RFC3: variants seen among roughly 807,000 people sequenced by gnomAD.
The protein encoded by RFC3 is replication factor C subunit 3.
A neutral mutation model predicts 45.1 loss-of-function variants in RFC3; 41 were observed. The ratio of observed to expected loss-of-function variants is 0.91; its 90% CI spans 0.71 to 1.18. RFC3 has a LOEUF of 1.18. RFC3 is among the 50% of genes most tolerant of loss of function. The pLI, the probability that RFC3 is intolerant of heterozygous loss-of-function variation, is 0.00. For synonymous variants in RFC3, 149 were observed against 144.0 expected, an observed-to-expected ratio of 1.03 and a Z score of -0.25; for missense variants, 423 against 428.1, an observed-to-expected ratio of 0.99 and a Z score of 0.10.
At chr13:33,954,995 C>T (rs1369408447) in intron 8 of RFC3, among the ~76,000 whole-genome samples, 1 of 152,148 alleles carries the variant, frequency 6.6e-6, no homozygotes, top group African/African-American at 2.4e-5. Context: ...AGACTCAAAC[C>T]ATTTGAATGG....
At chr13:33,870,952 G>A (rs2082403517) in intron 8 of RFC3, among the ~76,000 whole-genome samples, 1 of 152,154 alleles carries the variant, frequency 6.6e-6, no homozygotes, top group Admixed American at 6.5e-5. Flanking sequence ...GGAGGATATT[G>A]ATTTAAGTGT....
chr13:33,840,076 C>T (rs756137654), downstream of RFC3, among the ~76,000 whole-genome samples: 4 of 152,074 alleles, frequency 2.6e-5, no homozygotes, highest in African/African-American at 7.2e-5. Context: ...GAGTAAGAAG[C>T]GTCTTGGTGC....
At chr13:33,884,440 G>T (rs1465956574) in intron 8 of RFC3, among the ~76,000 whole-genome samples, 1 of 152,198 alleles carries the variant, frequency 6.6e-6, no homozygotes, top group African/African-American at 2.4e-5. Flanking sequence ...AGCAGTCTTT[G>T]AAAGCCCCAG....
chr13:33,938,184 CAAAAAAA>C (rs34685731), intron 8 of RFC3, among the ~76,000 whole-genome samples: 8 of 70,766 alleles, frequency 1.1e-4, no homozygotes, highest in Admixed American at 3.6e-4. Flanking sequence ...AGTCCAACTG[CAAAAAAA>C]AAAAAAAAAA....
the RFC3 span, among the ~76,000 whole-genome samples, chr13:33,972,764 T>C: frequency 6.6e-6 from 1 of 152,208 alleles, no homozygotes; most frequent in Non-Finnish European, 1.5e-5. Flanking sequence ...GGACAATACG[T>C]TATATATCAT....
chr13:33,837,636 C>CT (rs967615662), downstream of RFC3: 4 of 152,066 alleles, frequency 2.6e-5, no homozygotes, highest in African/African-American at 9.7e-5. Flanking sequence ...TTACTTTACA[C>CT]TTCTACCAGC....
intron 8 of RFC3, among the ~76,000 whole-genome samples, chr13:33,857,234 A>G (rs1355851069): frequency 6.6e-6 from 1 of 152,148 alleles, no homozygotes; most frequent in Non-Finnish European, 1.5e-5. Flanking sequence ...ATAGCGTCCA[A>G]TCTCATTGCG....
chr13:33,927,984 T>C (rs1234104224), intron 8 of RFC3, among the ~76,000 whole-genome samples: 1 of 152,070 alleles, frequency 6.6e-6, no homozygotes, highest in African/African-American at 2.4e-5. Context: ...CAAGGCACTG[T>C]TAACATCTAA....
chr13:33,928,259 T>G (rs185671611), intron 8 of RFC3, among the ~76,000 whole-genome samples: 19 of 152,124 alleles, frequency 1.2e-4, no homozygotes, highest in Non-Finnish European at 2.9e-5. Flanking sequence ...TGAAAGTGAC[T>G]CAGTAGCAGA....
intron 7 of RFC3, among the ~76,000 whole-genome samples, chr13:33,834,329 T>TATATATATATATACACACAC (rs1300798923): frequency 8.0e-6 from 1 of 125,106 alleles, no homozygotes; most frequent in Non-Finnish European, 1.6e-5. Flanking sequence ...TATATATATA[T>TATATATATATATACACACAC]ATCTGTACTG....
intron 8 of RFC3, among the ~76,000 whole-genome samples, chr13:33,956,201 A>C (rs2083021021): frequency 6.6e-6 from 1 of 152,252 alleles, no homozygotes; most frequent in South Asian, 2.1e-4. Flanking sequence ...GAAAAGATTA[A>C]AGTGTATTTT....
At chr13:33,911,667 AC>A (rs1474292986) in intron 8 of RFC3, among the ~76,000 whole-genome samples, 6 of 152,000 alleles carry the variant, frequency 3.9e-5, no homozygotes, top group Non-Finnish European at 5.9e-5. Context: ...GAGGGACTGA[AC>A]CCAAGGTGTG....
chr13:33,867,500 AG>A (rs2082381228), intron 8 of RFC3, among the ~76,000 whole-genome samples: 1 of 152,218 alleles, frequency 6.6e-6, no homozygotes, highest in African/African-American at 2.4e-5. Flanking sequence ...CTGAGAGAAG[AG>A]GGGAAAATAA....
chr13:33,858,099 G>A (rs984058779), intron 8 of RFC3, among the ~76,000 whole-genome samples: 5 of 152,200 alleles, frequency 3.3e-5, no homozygotes, highest in African/African-American at 1.2e-4. Flanking sequence ...TGGAGCGGAA[G>A]GGACCAGATC....
chr13:33,919,045 TTC>T (rs2082750912), intron 8 of RFC3, among the ~76,000 whole-genome samples: 1 of 27,120 alleles, frequency 3.7e-5, no homozygotes, highest in Non-Finnish European at 9.6e-5. Flanking sequence ...TTCTTCTTTA[TTC>T]TATAGAGTAA....
intron 5 of RFC3, 50 bp downstream of exon 5, chr13:33,830,067 A>AACTG: frequency 1.4e-6 from 2 of 1,480,072 alleles, no homozygotes; most frequent in South Asian, 1.1e-5. Context: ...AGATTCTCTG[A>AACTG]ATATTGTATG....
intron 8 of RFC3, among the ~76,000 whole-genome samples, chr13:33,864,178 C>T (rs141975523): frequency 9.2e-5 from 14 of 152,202 alleles, no homozygotes; most frequent in South Asian, 6.2e-4. Flanking sequence ...CCTGTGAACT[C>T]GTAGAATGAT....
chr13:33,894,922 A>G (rs563422415), intron 8 of RFC3, among the ~76,000 whole-genome samples: 2 of 152,344 alleles, frequency 1.3e-5, no homozygotes, highest in African/African-American at 2.4e-5. Flanking sequence ...CACCTATTCA[A>G]TGAATGGTGA....
intron 8 of RFC3, among the ~76,000 whole-genome samples, chr13:33,855,673 G>A (rs1056616898): frequency 6.6e-6 from 1 of 152,056 alleles, no homozygotes; most frequent in Non-Finnish European, 1.5e-5. Context: ...GCCATTTTGA[G>A]TGATGTGAGA....
Sources: allele counts gnomAD v4.1 joint callset (sites outside exome capture counted in the v4.1 genomes callset), GRCh38; gene constraint gnomAD v4.1.1; transcripts MANE v1.5; gene names NCBI Gene and HGNC (gene_info 2026-07-23, HGNC 2026-07-21).